C14orf132: variants seen among roughly 807,000 people sequenced by gnomAD.
The protein encoded by C14orf132 is uncharacterized protein C14orf132.
Under a neutral mutation model 5.8 loss-of-function variants are expected in C14orf132, and 6 were observed. The observed-to-expected ratio is 1.03, with a 90% confidence interval of 0.57 to 2.04. C14orf132 has a LOEUF of 2.04. Among genes scored for constraint, C14orf132 ranks in the 30% most tolerant of loss-of-function variants. The probability of loss-of-function intolerance (pLI) is 0.00; values close to 1 mark genes in which losing one functional copy is unlikely to be tolerated. For synonymous variants in C14orf132, 51 were observed against 49.8 expected (o/e 1.02, Z -0.10); for missense variants, 125 against 115.8 (o/e 1.08, Z -0.37).
At chr14:96,061,122 A>G (rs188126193) in intron 1 of C14orf132, among the ~76,000 whole-genome samples, 34 of 151,950 alleles carry the variant, frequency 2.2e-4, no homozygotes, top group African/African-American at 8.0e-4. Flanking sequence ...CTCTGTGCCT[A>G]AAACCATGCA....
intron 1 of C14orf132, among the ~76,000 whole-genome samples, chr14:96,063,096 T>A (rs1206221211): frequency 6.6e-6 from 1 of 152,094 alleles, no homozygotes; most frequent in African/African-American, 2.4e-5. Context: ...GAGGCAGGGA[T>A]CGTCATATCT....
intron 1 of C14orf132, among the ~76,000 whole-genome samples, chr14:96,053,503 C>A (rs948609385): frequency 6.6e-6 from 1 of 152,234 alleles, no homozygotes; most frequent in African/African-American, 2.4e-5. Flanking sequence ...AGAAGATAAG[C>A]AGAGCCTGGG....
Position 96,086,708 on chromosome 14 carries a change from G to A in C14orf132, c.225G>A (p.Val75=), listed in dbSNP as rs1888204283. The part of the protein sequence containing the change: ...IIATLGNIVV[V]GVVYAFTF The stretch of plus-strand genomic sequence containing the variant: ...CTACGCTGGGGAACATCGTGGTGGT[G>A]GGCGTGGTGTATGCCTTCACCTTCT... Residue 75 remains valine (V), a synonymous_variant, in exon 2 of 2, where the codon GTG becomes GTA. Coordinates refer to ENST00000555004, the MANE Select transcript of C14orf132 (RefSeq NM_001252507.3). 6.5e-7 allele frequency: 1 copy of A among 1,536,162 alleles called. No individual in the cohort carries two copies. The highest frequency in any genetic ancestry group is 8.7e-7 in the Non-Finnish European group (1 of 1,146,908).
intron 1 of C14orf132, among the ~76,000 whole-genome samples, chr14:96,041,803 C>T (rs1886700618): frequency 6.6e-6 from 1 of 152,222 alleles, no homozygotes; most frequent in South Asian, 2.1e-4. Context: ...TTGTGACAAG[C>T]TCCGTATCAG....
intron 1 of C14orf132, among the ~76,000 whole-genome samples, chr14:96,057,598 G>A (rs1887220195): frequency 6.6e-6 from 1 of 152,206 alleles, no homozygotes; most frequent in Non-Finnish European, 1.5e-5. Flanking sequence ...CACACAGGGT[G>A]AACCGGCCCA....
At chr14:96,077,856 G>A (rs940119759) in intron 1 of C14orf132, among the ~76,000 whole-genome samples, 8 of 152,230 alleles carry the variant, frequency 5.3e-5, no homozygotes. Context: ...GCAGGGGTTT[G>A]CACCATAGTT....
At chr14:96,086,015 G>C (rs980569352) in intron 1 of C14orf132, among the ~76,000 whole-genome samples, 17 of 150,096 alleles carry the variant, frequency 1.1e-4, no homozygotes, top group Non-Finnish European at 1.6e-4. Flanking sequence ...CACACACACA[G>C]AGGAAAAAAA....
chr14:96,051,800 G>A (rs1227336762), intron 1 of C14orf132, among the ~76,000 whole-genome samples: 2 of 152,184 alleles, frequency 1.3e-5, no homozygotes, highest in Admixed American at 1.3e-4. Flanking sequence ...GGCAGGCTGT[G>A]TTGGGGAATG....
At position 96,075,499 on chromosome 14, in the gene C14orf132, C is replaced by T. The variant is rs149149901; in HGVS notation, c.28-11012C>T. Among the ~76,000 whole-genome samples, 153 of 152,182 alleles carry T rather than the reference C, an allele frequency of 1.0e-3. 1 individual carries two copies. Among genetic ancestry groups the T allele is most frequent in the Non-Finnish European group, 2.1e-3 (140 of 67,984 alleles). ...TAGACATCCTCTCGTATTCCTAGAT[C>T]GTAGAGGGAAGCATTCACTCTTTCA... On this transcript the variant is annotated intron_variant, in intron 1 of 1. Transcript: ENST00000555004.
intron 1 of C14orf132, among the ~76,000 whole-genome samples, chr14:96,063,460 C>T (rs948403670): frequency 5.9e-5 from 9 of 152,062 alleles, no homozygotes; most frequent in Non-Finnish European, 1.0e-4. Context: ...AGGCAAACGC[C>T]ACCACGTCGG....
intron 1 of C14orf132, among the ~76,000 whole-genome samples, chr14:96,048,907 C>T (rs1309272984): frequency 6.6e-6 from 1 of 152,144 alleles, no homozygotes; most frequent in East Asian, 1.9e-4. Flanking sequence ...TATTGAAGAA[C>T]TTCTTGTTTG....
chr14:96,066,683 T>C (rs1254296358), intron 1 of C14orf132, among the ~76,000 whole-genome samples: 1 of 152,170 alleles, frequency 6.6e-6, no homozygotes, highest in Non-Finnish European at 1.5e-5. Flanking sequence ...CTACAAGTGC[T>C]CACAGTCCCT....
At position 96,087,698 on chromosome 14, in the gene C14orf132, G is replaced by A. The variant is rs1367275388; in HGVS notation, c.*963G>A. On this transcript the variant is annotated 3_prime_UTR_variant, in exon 2 of 2. Transcript: ENST00000555004. The stretch of plus-strand genomic sequence containing the variant: ...GGAGGTTGCTGAGAAGCTGCCCTCA[G>A]GAGAATGTCCAGGCATCTTGAAGGT... 1 of 152,214 alleles carries A rather than the reference G, an allele frequency of 6.6e-6. No individual in the cohort carries two copies. The highest frequency in any genetic ancestry group is 2.4e-5 in the African/African-American group (1 of 41,442). 9.4% of individuals were successfully genotyped at this position (152,214 alleles called of 1,614,324 possible).
intron 1 of C14orf132, among the ~76,000 whole-genome samples, chr14:96,069,816 C>T (rs1887651525): frequency 1.3e-5 from 2 of 152,332 alleles, no homozygotes; most frequent in South Asian, 4.1e-4. Flanking sequence ...TGGCTTTCTA[C>T]TTTGAGATCC....
chr14:96,068,475 T>A (rs1887601379), intron 1 of C14orf132, among the ~76,000 whole-genome samples: 1 of 152,138 alleles, frequency 6.6e-6, no homozygotes, highest in Non-Finnish European at 1.5e-5. Context: ...CCTCCCTGTC[T>A]GTAGAAAGAG....
At chr14:96,043,478 A>C (rs1266173341) in intron 1 of C14orf132, among the ~76,000 whole-genome samples, 1 of 152,090 alleles carries the variant, frequency 6.6e-6, no homozygotes, top group Non-Finnish European at 1.5e-5. Flanking sequence ...TTTGTCTTGC[A>C]CTGTCCCGTC....
At chr14:96,057,042 T>C (rs958301288) in intron 1 of C14orf132, among the ~76,000 whole-genome samples, 3 of 152,188 alleles carry the variant, frequency 2.0e-5, no homozygotes, top group Non-Finnish European at 4.4e-5. Context: ...AGACACTTAA[T>C]GGGGCTCACA....
intron 1 of C14orf132, among the ~76,000 whole-genome samples, chr14:96,086,200 CA>C (rs1449762175): frequency 6.6e-6 from 1 of 152,074 alleles, no homozygotes; most frequent in East Asian, 1.9e-4. Flanking sequence ...AGGAGCCTGG[CA>C]TGGGGGGAGG....
chr14:96,070,452 G>A (rs1198001585), intron 1 of C14orf132, among the ~76,000 whole-genome samples: 1 of 152,130 alleles, frequency 6.6e-6, no homozygotes, highest in Non-Finnish European at 1.5e-5. Flanking sequence ...GCCCATGGCA[G>A]ATAAAACTGG....
Sources: allele counts gnomAD v4.1 joint callset (sites outside exome capture counted in the v4.1 genomes callset), GRCh38; gene constraint gnomAD v4.1.1; transcripts MANE v1.5; gene names NCBI Gene and HGNC (gene_info 2026-07-23, HGNC 2026-07-21).